The following CNTN5 variants were observed in gnomAD, a reference collection of about 807,000 sequenced individuals.
CNTN5 encodes the protein contactin 5.
CNTN5 carries 77 observed loss-of-function variants against 129.1 expected under a neutral mutation model. The ratio of observed to expected loss-of-function variants is 0.60; its 90% CI spans 0.50 to 0.72. The LOEUF is 0.72. Among genes scored for constraint, CNTN5 ranks in the 30% least tolerant of loss-of-function variants. The probability of loss-of-function intolerance (pLI) is 0.00; values close to 1 mark genes in which losing one functional copy is unlikely to be tolerated. For synonymous variants in CNTN5, 509 were observed against 465.6 expected (o/e 1.09, Z -1.20); for missense variants, 1,478 against 1,328.8 (o/e 1.11, Z -1.75).
At chr11:99,679,894 C>A (rs557691164) in intron 3 of CNTN5, among the ~76,000 whole-genome samples, 1 of 152,254 alleles carries the variant, frequency 6.6e-6, no homozygotes, top group Non-Finnish European at 1.5e-5. Flanking sequence ...AGTGAACATA[C>A]AAATAATAAG....
intron 9 of CNTN5, among the ~76,000 whole-genome samples, chr11:100,040,790 A>T (rs1039244406): frequency 6.6e-6 from 1 of 152,162 alleles, no homozygotes; most frequent in Admixed American, 6.5e-5. Flanking sequence ...GCGGGATATA[A>T]TCTCCTGGTG....
chr11:100,155,227 T>G (rs1294808105), intron 13 of CNTN5, among the ~76,000 whole-genome samples: 1 of 152,118 alleles, frequency 6.6e-6, no homozygotes, highest in Admixed American at 6.6e-5. Flanking sequence ...CCAGTTTTAG[T>G]TTTCTGCATA....
At chr11:99,731,103 G>T (rs117900383) in intron 3 of CNTN5, among the ~76,000 whole-genome samples, 1 of 151,602 alleles carries the variant, frequency 6.6e-6, no homozygotes, top group Non-Finnish European at 1.5e-5. Context: ...CTGGAAATCA[G>T]CATTTTTTTT....
At chr11:99,769,315 G>T (rs933107493) in intron 3 of CNTN5, among the ~76,000 whole-genome samples, 5 of 152,094 alleles carry the variant, frequency 3.3e-5, no homozygotes, top group African/African-American at 1.2e-4. Context: ...AGTTTAGTAA[G>T]AAAGATACCA....
intron 1 of CNTN5, among the ~76,000 whole-genome samples, chr11:99,253,897 T>TTATA (rs67720359): frequency 0.081 from 11,281 of 138,856 alleles, 521 homozygotes; most frequent in Non-Finnish European, 0.11. Context: ...AAATATACGT[T>TTATA]TATATATATA....
In CNTN5 at chr11:100,356,547, C is replaced by T. The variant is rs1952530343; in HGVS notation, c.*327C>T. 3.8e-6 allele frequency: 1 copy of T among 265,268 alleles called. No individual in the cohort carries two copies. Among genetic ancestry groups the T allele is most frequent in the Admixed American group, 5.0e-5 (1 of 20,192 alleles). The allele number at this position is 265,268 out of a possible 1,614,324, so 16.4% of individuals were successfully genotyped here. On this transcript the variant is annotated 3_prime_UTR_variant, in exon 25 of 25. Coordinates refer to ENST00000524871, the MANE Select transcript of CNTN5 (RefSeq NM_014361.4). ...GGATTTTATTTTATATCTGATGACT[C>T]CGAGTGTGTGCCATCCATTTGTTAA...
At chr11:100,136,940 GA>G (rs1946545860) in intron 13 of CNTN5, among the ~76,000 whole-genome samples, 1 of 151,728 alleles carries the variant, frequency 6.6e-6, no homozygotes, top group Non-Finnish European at 1.5e-5. Flanking sequence ...GAAAATTAGA[GA>G]AATTAAAATG....
intron 8 of CNTN5, among the ~76,000 whole-genome samples, chr11:100,000,477 G>A (rs752333634): frequency 6.6e-6 from 1 of 152,194 alleles, no homozygotes; most frequent in African/African-American, 2.4e-5. Flanking sequence ...GGGCAGCTCT[G>A]CCCCTGTGGT....
chr11:99,985,235 A>G (rs1352821101), intron 8 of CNTN5, among the ~76,000 whole-genome samples: 1 of 152,144 alleles, frequency 6.6e-6, no homozygotes, highest in East Asian at 1.9e-4. Flanking sequence ...TCCAAGAAGA[A>G]TAAGGTCACA....
intron 3 of CNTN5, among the ~76,000 whole-genome samples, chr11:99,666,626 C>G (rs148760019): frequency 8.5e-5 from 13 of 152,270 alleles, no homozygotes; most frequent in African/African-American, 3.1e-4. Context: ...ACAGAGTCTC[C>G]ATGCTCTTTG....
chr11:99,462,375 T>C (rs1408167413), intron 2 of CNTN5, among the ~76,000 whole-genome samples: 9 of 147,524 alleles, frequency 6.1e-5, no homozygotes, highest in Admixed American at 4.1e-4. Flanking sequence ...TTTTTTTTTT[T>C]TACATTTTTC....
chr11:100,015,588 T>C (rs749033309), intron 9 of CNTN5, among the ~76,000 whole-genome samples: 2 of 152,184 alleles, frequency 1.3e-5, no homozygotes, highest in Non-Finnish European at 2.9e-5. Flanking sequence ...TATTCTTGTA[T>C]ATTTAGCACA....
At chr11:100,033,280 G>A (rs1457770549) in intron 9 of CNTN5, among the ~76,000 whole-genome samples, 1 of 152,154 alleles carries the variant, frequency 6.6e-6, no homozygotes, top group South Asian at 2.1e-4. Flanking sequence ...AGAGGTGAGA[G>A]TGAGGCAGGA....
At chr11:99,311,434 G>C (rs1159447439) in intron 1 of CNTN5, among the ~76,000 whole-genome samples, 1 of 152,062 alleles carries the variant, frequency 6.6e-6, no homozygotes, top group Non-Finnish European at 1.5e-5. Flanking sequence ...CTTATCAAAT[G>C]AGTTGAGGAG....
intron 2 of CNTN5, among the ~76,000 whole-genome samples, chr11:99,404,306 T>A (rs11512626): frequency 0.74 from 112,067 of 150,444 alleles, 42,646 homozygotes; most frequent in African/African-American, 0.9. Context: ...TTTTCTTTAT[T>A]CAGCTTTTGA....
intron 13 of CNTN5, among the ~76,000 whole-genome samples, chr11:100,109,215 C>T (rs1945561408): frequency 6.6e-6 from 1 of 152,180 alleles, no homozygotes; most frequent in African/African-American, 2.4e-5. Flanking sequence ...ATCACGAAGT[C>T]AGGCATTCGA....
At chr11:99,063,543 A>C (rs1864974804) in intron 1 of CNTN5, among the ~76,000 whole-genome samples, 1 of 143,458 alleles carries the variant, frequency 7.0e-6, no homozygotes, top group Non-Finnish European at 1.5e-5. Flanking sequence ...TAAATAAATA[A>C]ATAAATAAAC....
intron 13 of CNTN5, among the ~76,000 whole-genome samples, chr11:100,120,860 T>C: frequency 6.6e-6 from 1 of 152,130 alleles, no homozygotes; most frequent in East Asian, 1.9e-4. Flanking sequence ...TTTAAACTTA[T>C]TTTATTGTAA....
intron 6 of CNTN5, among the ~76,000 whole-genome samples, chr11:99,914,178 A>G (rs1027017199): frequency 1.3e-5 from 2 of 152,084 alleles, no homozygotes; most frequent in African/African-American, 2.4e-5. Flanking sequence ...TACAGACTGC[A>G]GTGAGTTATG....
Sources: allele counts gnomAD v4.1 joint callset (sites outside exome capture counted in the v4.1 genomes callset), GRCh38; gene constraint gnomAD v4.1.1; transcripts MANE v1.5; gene names NCBI Gene and HGNC (gene_info 2026-07-23, HGNC 2026-07-21).